Variants in DZIP3 observed in about 807,000 individuals in gnomAD.
The protein encoded by DZIP3 is DAZ interacting zinc finger protein 3.
Under a neutral mutation model 162.0 loss-of-function variants are expected in DZIP3, and 118 were observed. That is an observed-to-expected ratio of 0.73 (90% CI 0.63 to 0.85). The LOEUF (loss-of-function observed/expected upper bound fraction) is 0.85. Among genes scored for constraint, DZIP3 ranks in the 40% least tolerant of loss-of-function variants. The pLI is 0.00. For missense variants in DZIP3, 1,331 were observed against 1,407.0 expected, an observed-to-expected ratio of 0.95 and a Z score of 0.86; for synonymous variants, 438 against 458.6, an observed-to-expected ratio of 0.96 and a Z score of 0.57.
chr3:108,654,744 A>AT (rs140574813), intron 19 of DZIP3, among the ~76,000 whole-genome samples: 2,890 of 151,258 alleles, frequency 0.019, 99 homozygotes, highest in African/African-American at 0.067. Context: ...ATGTATAATC[A>AT]TTTTTTTTTC....
In DZIP3 at chr3:108,686,582, C is replaced by A. The variant is rs1419707982; in HGVS notation, c.3147C>A (p.Thr1049=). The A allele has an allele frequency of 4.4e-6, 7 of 1,598,368 alleles. No homozygotes were observed. In the South Asian group the frequency reaches 7.9e-5, roughly 18 times the overall value. The part of the protein sequence containing the change: ...DRLKTAFPQQ[T]RKELTDFLRK... ...TGAAAACTGCCTTTCCACAGCAAAC[C>A]AGGTACCTTAGTTTTTATTTATTGG... Residue 1049 remains threonine, a splice_region_variant and synonymous_variant, in exon 28 of 33, where the codon ACC becomes ACA. Transcript: ENST00000361582.
chr3:108,632,923 A>C (rs777933507), intron 8 of DZIP3, 30 bp from the exon 9 acceptor site: 1 of 1,233,522 alleles, frequency 8.1e-7, no homozygotes, highest in South Asian at 2.2e-5. Flanking sequence ...TTAGTAATTC[A>C]TGAGAATTCT....
intron 17 of DZIP3, 151 bp from the exon 18 acceptor site, chr3:108,650,986 A>AT (rs1403273803): frequency 4.8e-6 from 1 of 209,892 alleles, no homozygotes; most frequent in African/African-American, 2.4e-5. Context: ...GTATAAAAGT[A>AT]TATGCATAAG....
chr3:108,625,918 T>G lies in DZIP3; in HGVS notation c.530T>G (p.Phe177Cys). The G allele has an allele frequency of 6.2e-7, 1 of 1,613,570 alleles. No individual in the cohort carries two copies. Among genetic ancestry groups the G allele is most frequent in the Middle Eastern group, 1.7e-4 (1 of 6,056 alleles). The change falls in exon 7 of 33, where the codon TTT (phenylalanine) becomes TGT (cysteine). Residue 177 changes from phenylalanine to cysteine, a missense_variant. Transcript: ENST00000361582. ...MIQENEICENFMSLVYFGRGL... is the reference protein window; with the variant it reads ...MIQENEICENCMSLVYFGRGL... ...CAAGAAAATGAAATTTGTGAAAACT[T>G]TATGTCTTTAGTTTATTTTGGACGT...
chr3:108,606,311 G>A (rs996606850), intron 2 of DZIP3, among the ~76,000 whole-genome samples: 8 of 152,106 alleles, frequency 5.3e-5, no homozygotes, highest in Non-Finnish European at 7.4e-5. Flanking sequence ...AAACAGGGTC[G>A]TATTGGAGAT....
At chr3:108,602,138 C>A (rs1410214411) in intron 1 of DZIP3, among the ~76,000 whole-genome samples, 13 of 151,880 alleles carry the variant, frequency 8.6e-5, no homozygotes, top group Non-Finnish European at 1.5e-5. Context: ...AAAAATGTGC[C>A]TATATACAGT....
intron 6 of DZIP3, 40 bp from the exon 7 acceptor site, chr3:108,625,805 G>A: frequency 6.7e-7 from 1 of 1,489,374 alleles, no homozygotes. Flanking sequence ...AAAAAAAAAT[G>A]ACTTTTACAG....
intron 9 of DZIP3, among the ~76,000 whole-genome samples, chr3:108,634,356 T>C (rs529693187): frequency 1.3e-5 from 2 of 152,218 alleles, no homozygotes; most frequent in East Asian, 3.9e-4. Flanking sequence ...AAAGCAAAAA[T>C]TTTAAAAAGC....
chr3:108,593,816 C>T (rs1260977207), intron 1 of DZIP3, among the ~76,000 whole-genome samples: 1 of 151,744 alleles, frequency 6.6e-6, no homozygotes, highest in African/African-American at 2.4e-5. Context: ...AGGCATGCCC[C>T]GCTATGCCAG....
At chr3:108,643,611 T>C (rs1402352281) in intron 13 of DZIP3, among the ~76,000 whole-genome samples, 1 of 150,664 alleles carries the variant, frequency 6.6e-6, no homozygotes, top group Non-Finnish European at 1.5e-5. Flanking sequence ...CTATCTAGTA[T>C]AGCAGTCCCT....
chr3:108,612,338 A>T (rs548254400), intron 4 of DZIP3, among the ~76,000 whole-genome samples: 1 of 152,300 alleles, frequency 6.6e-6, no homozygotes, highest in East Asian at 1.9e-4. Context: ...TATTCATAAG[A>T]CTTTATGCAC....
intron 12 of DZIP3, among the ~76,000 whole-genome samples, chr3:108,638,760 C>G (rs1559748557): frequency 6.6e-6 from 1 of 152,188 alleles, no homozygotes; most frequent in Non-Finnish European, 1.5e-5. Context: ...TTTATCCAGT[C>G]TGTTGTTTTC....
chr3:108,638,722 GC>G (rs1416380954), intron 12 of DZIP3, among the ~76,000 whole-genome samples: 4 of 152,136 alleles, frequency 2.6e-5, no homozygotes, highest in African/African-American at 9.7e-5. Context: ...TTCTCAAACA[GC>G]TTCTTAAAAC....
chr3:108,683,901 T>G (rs1288199208), intron 26 of DZIP3, among the ~76,000 whole-genome samples: 2 of 152,208 alleles, frequency 1.3e-5, no homozygotes, highest in African/African-American at 4.8e-5. Flanking sequence ...GATTACCTTA[T>G]CCAACCCTCT....
At position 108,611,185 on chromosome 3, in the gene DZIP3, A is replaced by G; in HGVS notation, c.114A>G (p.Glu38=). Residue 38 remains glutamate, a synonymous_variant, in exon 4 of 33, where the codon GAA becomes GAG. Transcript: ENST00000361582. ...ATAATGTCTTCTAGAACAAACAGGAAAATGACATACCTACTGATCTTGTCC... is the reference window on the plus strand; with the variant it reads ...ATAATGTCTTCTAGAACAAACAGGAGAATGACATACCTACTGATCTTGTCC... The part of the protein sequence containing the change: ...EKSSGQLNKQ[E]NDIPTDLVPV... 3 of 1,589,116 alleles carry G rather than the reference A, an allele frequency of 1.9e-6. No individual in the cohort carries two copies. The highest frequency in any genetic ancestry group is 2.6e-6 in the Non-Finnish European group (3 of 1,173,838).
chr3:108,595,245 T>G (rs1939648756), intron 1 of DZIP3, among the ~76,000 whole-genome samples: 1 of 152,174 alleles, frequency 6.6e-6, no homozygotes, highest in African/African-American at 2.4e-5. Flanking sequence ...GGAGACAGCA[T>G]CTCACTTGGT....
intron 5 of DZIP3, among the ~76,000 whole-genome samples, chr3:108,620,121 C>G (rs1229073958): frequency 6.6e-6 from 1 of 152,146 alleles, no homozygotes; most frequent in Non-Finnish European, 1.5e-5. Flanking sequence ...GCAGGTTCCT[C>G]CATATTTTCT....
intron 19 of DZIP3, among the ~76,000 whole-genome samples, chr3:108,658,629 A>G (rs1385408015): frequency 2.0e-5 from 3 of 152,232 alleles, no homozygotes; most frequent in Non-Finnish European, 2.9e-5. Flanking sequence ...AAGGCAAGAA[A>G]TAACTAAGAT....
At chr3:108,631,055 A>ACACACACACACACACACACTCT in intron 8 of DZIP3, among the ~76,000 whole-genome samples, 26 of 17,994 alleles carry the variant, frequency 1.4e-3, no homozygotes, top group Non-Finnish European at 1.8e-3. Flanking sequence ...ACACACACAC[A>ACACACACACACACACACACTCT]CTCTCTCTCT....
Sources: allele counts gnomAD v4.1 joint callset (sites outside exome capture counted in the v4.1 genomes callset), GRCh38; gene constraint gnomAD v4.1.1; transcripts MANE v1.5; gene names NCBI Gene and HGNC (gene_info 2026-07-23, HGNC 2026-07-21).